The following BRI3 variants were observed in gnomAD, a reference collection of about 807,000 sequenced individuals.
BRI3 encodes membrane protein BRI3.
In BRI3, 6 loss-of-function variants were observed where a neutral mutation model predicts 12.8. The observed-to-expected ratio is 0.47, with a 90% CI of 0.26 to 0.93. BRI3 has a LOEUF of 0.93. Among genes scored for constraint, BRI3 ranks in the 40% least tolerant of loss-of-function variants. The probability of loss-of-function intolerance (pLI) is 0.15; values close to 1 mark genes in which losing one functional copy is unlikely to be tolerated. For missense variants in BRI3, 134 were observed against 171.1 expected (o/e 0.78, Z 1.21); for synonymous variants, 91 against 76.1 (o/e 1.20, Z -1.02).
chr7:98,287,927 C>T (rs202123459), intron 2 of BRI3, among the ~76,000 whole-genome samples: 1 of 152,210 alleles, frequency 6.6e-6, no homozygotes, highest in African/African-American at 2.4e-5. Context: ...GGCCTTTGAA[C>T]AGGCAGTCAG....
chr7:98,283,290 G>GA (rs1799593800), intron 2 of BRI3, among the ~76,000 whole-genome samples: 1 of 152,102 alleles, frequency 6.6e-6, no homozygotes, highest in Non-Finnish European at 1.5e-5. Flanking sequence ...ACTTAGACTT[G>GA]ATTTCAAAAG....
At chr7:98,322,207 T>C in the BRI3 span, among the ~76,000 whole-genome samples, 5 of 152,134 alleles carry the variant, frequency 3.3e-5, no homozygotes, top group Non-Finnish European at 7.3e-5. Context: ...GACTGGACTA[T>C]GGCCTCGGCT....
downstream of BRI3, chr7:98,293,610 G>T (rs1312482748): frequency 1.2e-6 from 2 of 1,610,160 alleles, no homozygotes; most frequent in African/African-American, 2.7e-5. Context: ...CAGGGGATAA[G>T]AAAAATCTTT....
upstream of BRI3, chr7:98,306,355 G>A: frequency 3.3e-6 from 5 of 1,519,342 alleles, no homozygotes; most frequent in Admixed American, 1.7e-5. Context: ...CAGGGCCTGC[G>A]ACACAGCTAG....
chr7:98,319,913 CT>C, the BRI3 span: 1 of 723,448 alleles, frequency 1.4e-6, no homozygotes, highest in Non-Finnish European at 2.4e-6. Flanking sequence ...CCAAAGAGAG[CT>C]TGTCGGTTTC....
At chr7:98,294,263 G>A, downstream of BRI3, 1 of 724,338 alleles carries the variant, frequency 1.4e-6, no homozygotes, top group Non-Finnish European at 2.3e-6. Flanking sequence ...AATGTGCTGG[G>A]ACTACAGGTG....
intron 1 of BRI3, among the ~76,000 whole-genome samples, 180 bp downstream of exon 1, chr7:98,282,117 T>G (rs1361185562): frequency 2.6e-5 from 4 of 152,092 alleles, no homozygotes; most frequent in African/African-American, 9.7e-5. Flanking sequence ...GCTCTAGTCC[T>G]CGGGCCCGTC....
rs1799524899 is a variant in BRI3, at chr7:98,281,811, C to G, written c.16C>G (p.Leu6Val). 1 of 1,237,950 alleles carries G rather than the reference C, an allele frequency of 8.1e-7. No homozygotes were observed. The highest frequency in any genetic ancestry group is 1.6e-5 in the African/African-American group (1 of 63,588). The allele number at this position is 1,237,950 out of a possible 1,614,324, so 76.7% of individuals were successfully genotyped here. ...CCGGGCCGCCATGGACCACAAGCCG[C>G]TGCTGCAGGAGCGGCCGCCCGCCTA... MDHKP[L>V]LQERPPAYNL... Residue 6 changes from leucine (L) to valine (V), a missense_variant, in exon 1 of 3, where the codon CTG becomes GTG. Transcript: ENST00000297290.
chr7:98,303,175 C>T (rs894629012), upstream of BRI3, among the ~76,000 whole-genome samples: 6 of 152,168 alleles, frequency 3.9e-5, no homozygotes, highest in African/African-American at 1.4e-4. Flanking sequence ...GTCTACGTTC[C>T]CAGACTCCTC....
chr7:98,305,591 TTTA>T (rs1800624794), upstream of BRI3, among the ~76,000 whole-genome samples: 1 of 152,096 alleles, frequency 6.6e-6, no homozygotes, highest in Non-Finnish European at 1.5e-5. Context: ...TGGCTAATTG[TTTA>T]TTTTTTTTGT....
chr7:98,289,765 G>T (rs762086297), intron 2 of BRI3, among the ~76,000 whole-genome samples: 4 of 152,200 alleles, frequency 2.6e-5, no homozygotes, highest in African/African-American at 4.8e-5. Flanking sequence ...AATTTCAGCT[G>T]TGTCCAGAAC....
At chr7:98,296,995 C>T (rs1340933879), downstream of BRI3, among the ~76,000 whole-genome samples, 1 of 152,238 alleles carries the variant, frequency 6.6e-6, no homozygotes, top group Non-Finnish European at 1.5e-5. Context: ...CTCCAAGCCA[C>T]AGGCAGCACT....
intron 1 of BRI3, among the ~76,000 whole-genome samples, chr7:98,300,682 A>C (rs1452021550): frequency 6.6e-6 from 1 of 152,074 alleles, no homozygotes; most frequent in Non-Finnish European, 1.5e-5. Flanking sequence ...GGCACTGCTC[A>C]GGAAGCACCA....
rs74922238 is a variant in BRI3 at position 98,282,905 on chromosome 7, G to T, written c.245+452G>T. The T allele has an allele frequency of 4.1e-4, 68 of 163,998 alleles. No individual in the cohort carries two copies. The East Asian group carries it at 0.012, about 29-fold the overall frequency. The allele number at this position is 163,998 out of a possible 1,614,324, so 10.2% of individuals were successfully genotyped here. On this transcript the variant is annotated intron_variant, in intron 2 of 2. Transcript: ENST00000297290. ...TGGAAGTAAGTGCACCAGCAGGACAGACCTCAGTGGGAGAAGCGACGGCCG... is the reference window on the plus strand; with the variant it reads ...TGGAAGTAAGTGCACCAGCAGGACATACCTCAGTGGGAGAAGCGACGGCCG...
chr7:98,297,766 G>A (rs572769298), downstream of BRI3, among the ~76,000 whole-genome samples: 7 of 152,334 alleles, frequency 4.6e-5, no homozygotes, highest in South Asian at 2.1e-4. Flanking sequence ...ACGAAGATGC[G>A]TGCAGGCCTG....
upstream of BRI3, among the ~76,000 whole-genome samples, chr7:98,302,048 C>T (rs1167751808): frequency 1.1e-4 from 17 of 152,242 alleles, no homozygotes; most frequent in South Asian, 2.1e-4. Context: ...GGCAGTCTCC[C>T]GACACTGACA....
chr7:98,321,598 T>C, the BRI3 span, among the ~76,000 whole-genome samples: 1 of 152,192 alleles, frequency 6.6e-6, no homozygotes, highest in Non-Finnish European at 1.5e-5. Context: ...GCCACCTTTC[T>C]ACAGGTGACA....
chr7:98,293,066 G>C (rs1800037159), downstream of BRI3: 1 of 770,658 alleles, frequency 1.3e-6, no homozygotes, highest in Non-Finnish European at 1.6e-6. Flanking sequence ...ATTATGATTT[G>C]CATGCTAAGA....
chr7:98,306,462 T>C (rs1385819279), upstream of BRI3: 3 of 1,614,126 alleles, frequency 1.9e-6, no homozygotes, highest in Admixed American at 5.0e-5. Context: ...CGGTCACTGC[T>C]TCTGTCTCAT....
Sources: gnomAD v4.1 joint callset for allele counts (sites outside exome capture counted in the v4.1 genomes callset) on GRCh38, gnomAD v4.1.1 for gene constraint, MANE v1.5 for transcripts, NCBI Gene and HGNC (gene_info 2026-07-23, HGNC 2026-07-21) for gene names.